The following ABI3BP variants were observed in gnomAD, a reference collection of about 807,000 sequenced individuals.
ABI3BP encodes the protein target of Nesh-SH3.
Under a neutral mutation model 268.6 loss-of-function variants are expected in ABI3BP, and 216 were observed. The ratio of observed to expected loss-of-function variants is 0.80; its 90% confidence interval spans 0.72 to 0.90. The LOEUF is 0.90. Among genes scored for constraint, ABI3BP ranks in the 40% least tolerant of loss-of-function variants. The probability of loss-of-function intolerance (pLI) is 0.00; values close to 1 mark genes in which losing one functional copy is unlikely to be tolerated. For synonymous variants in ABI3BP, 730 were observed against 730.0 expected, an observed-to-expected ratio of 1.00 and a Z score of 0.00; for missense variants, 2,090 against 2,182.4, an observed-to-expected ratio of 0.96 and a Z score of 0.84.
At chr3:100,945,270 G>A (rs559637346) in intron 1 of ABI3BP, among the ~76,000 whole-genome samples, 20 of 152,040 alleles carry the variant, frequency 1.3e-4, no homozygotes, top group Non-Finnish European at 2.2e-4. Flanking sequence ...ATATTTTCAC[G>A]AGCATATGGA....
intron 31 of ABI3BP, 45 bp from the exon 32 acceptor site, chr3:100,830,679 A>G: frequency 2.0e-6 from 3 of 1,463,768 alleles, no homozygotes; most frequent in East Asian, 2.5e-5. Context: ...TTGTGAATGC[A>G]TGAAATGTTG....
chr3:100,753,877 C>T (rs1056675506), intron 64 of ABI3BP, 29 bp from the exon 65 acceptor site: 47 of 1,598,470 alleles, frequency 2.9e-5, no homozygotes, highest in Middle Eastern at 1.6e-4. Flanking sequence ...AAAAGTCAGA[C>T]CTTACTAGGT....
At chr3:100,957,494 C>G (rs1480678564) in intron 1 of ABI3BP, among the ~76,000 whole-genome samples, 1 of 152,004 alleles carries the variant, frequency 6.6e-6, no homozygotes, top group African/African-American at 2.4e-5. Flanking sequence ...GTGGTCAGGG[C>G]TAGAGATATA....
intron 36 of ABI3BP, 133 bp downstream of exon 36, chr3:100,824,725 G>A (rs2098334254): frequency 9.9e-6 from 6 of 605,178 alleles, no homozygotes; most frequent in Non-Finnish European, 2.7e-6. Context: ...CAGAGGAGAT[G>A]GTACTGATGA....
chr3:100,813,710 A>T lies in ABI3BP; in HGVS notation c.3315T>A (p.Ile1105=). Residue 1105 remains isoleucine, a synonymous_variant, in exon 45 of 68, where the codon ATT becomes ATA. Coordinates refer to ENST00000471714, the MANE Select transcript of ABI3BP (RefSeq NM_001375547.2). ...GGCTTGGTGATGTCACTGGTTTCAA[A>T]ATAAGAGTTTGCAGTTCAGTCAGAG... ...TFALTELQTL[I]LKPVTSPSLE... 1 of 1,535,456 alleles carries T rather than the reference A, an allele frequency of 6.5e-7. No homozygotes were observed. The highest frequency in any genetic ancestry group is 8.7e-7 in the Non-Finnish European group (1 of 1,146,446).
At chr3:100,911,339 A>G (rs539613779) in intron 2 of ABI3BP, 2 of 276,796 alleles carry the variant, frequency 7.2e-6, no homozygotes, top group South Asian at 5.9e-5. Context: ...TAAAAGGTCC[A>G]TAATGCTTGA....
At chr3:100,963,729 T>C (rs1240729927) in intron 1 of ABI3BP, among the ~76,000 whole-genome samples, 2 of 152,216 alleles carry the variant, frequency 1.3e-5, no homozygotes, top group Admixed American at 6.5e-5. Flanking sequence ...ACTGGCCAGC[T>C]GTTATTTCCA....
intron 32 of ABI3BP, among the ~76,000 whole-genome samples, chr3:100,830,098 CATACATACATACATATATATATAT>C (rs1172447545): frequency 1.3e-4 from 7 of 55,900 alleles, no homozygotes; most frequent in African/African-American, 6.3e-4. Flanking sequence ...CATATACATA[CATACATACATACATATATATATAT>C]ATATATATAT....
At chr3:100,912,846 TG>T (rs1211472195) in intron 2 of ABI3BP, among the ~76,000 whole-genome samples, 2 of 152,120 alleles carry the variant, frequency 1.3e-5, no homozygotes, top group Admixed American at 6.6e-5. Flanking sequence ...ACCTCCTAAG[TG>T]TGGCCATGGA....
chr3:100,973,971 CT>C (rs1382432626), intron 1 of ABI3BP, among the ~76,000 whole-genome samples: 2 of 152,066 alleles, frequency 1.3e-5, no homozygotes, highest in East Asian at 3.9e-4. Flanking sequence ...GATGCGGTTT[CT>C]AAGAAAATGG....
chr3:100,816,650 G>T (rs1465506680), intron 43 of ABI3BP, 38 bp downstream of exon 43: 5 of 1,488,348 alleles, frequency 3.4e-6, no homozygotes, highest in Admixed American at 2.0e-5. Context: ...CAGGGTTCAG[G>T]TTCCTTGGCT....
intron 37 of ABI3BP, among the ~76,000 whole-genome samples, chr3:100,822,926 A>C (rs2098271454): frequency 6.6e-6 from 1 of 152,184 alleles, no homozygotes; most frequent in African/African-American, 2.4e-5. Flanking sequence ...TGGGTACCAA[A>C]AAGGTTAAGT....
chr3:100,960,868 C>T (rs2078852709), intron 1 of ABI3BP, among the ~76,000 whole-genome samples: 1 of 152,134 alleles, frequency 6.6e-6, no homozygotes, highest in South Asian at 2.1e-4. Flanking sequence ...GGATTCTCAC[C>T]CTCTGGCCCT....
At chr3:100,908,600 T>C (rs1251372144) in intron 2 of ABI3BP, among the ~76,000 whole-genome samples, 12 of 148,472 alleles carry the variant, frequency 8.1e-5, no homozygotes, top group African/African-American at 2.8e-4. Flanking sequence ...ACAAGCGTTC[T>C]TATACACCAA....
At chr3:100,850,013 G>A in intron 17 of ABI3BP, 32 bp downstream of exon 17, 2 of 1,572,100 alleles carry the variant, frequency 1.3e-6, no homozygotes, top group Non-Finnish European at 1.7e-6. Context: ...TTTCGTCAAT[G>A]CATACATAAC....
At chr3:100,760,540 T>C (rs7642041) in intron 63 of ABI3BP, among the ~76,000 whole-genome samples, 62,273 of 152,028 alleles carry the variant, frequency 0.41, 13,084 homozygotes, top group South Asian at 0.48. Flanking sequence ...CTGCTTGTTA[T>C]GGGATTGAGC....
chr3:100,966,704 T>A (rs754339031), intron 1 of ABI3BP, among the ~76,000 whole-genome samples: 1 of 152,174 alleles, frequency 6.6e-6, no homozygotes, highest in Non-Finnish European at 1.5e-5. Flanking sequence ...TCAAAATACC[T>A]CCCCTGATCC....
chr3:100,960,232 T>C (rs1305828146), intron 1 of ABI3BP, among the ~76,000 whole-genome samples: 6 of 152,086 alleles, frequency 3.9e-5, no homozygotes, highest in Admixed American at 3.9e-4. Context: ...GAACAAAGAA[T>C]GAAGACTTTT....
intron 20 of ABI3BP, among the ~76,000 whole-genome samples, chr3:100,842,518 G>A (rs1406955157): frequency 7.9e-5 from 12 of 152,130 alleles, no homozygotes; most frequent in South Asian, 2.1e-4. Context: ...GTTCAAAAGC[G>A]ACCACAACTG....
Sources: gnomAD v4.1 joint callset for allele counts (sites outside exome capture counted in the v4.1 genomes callset) on GRCh38, gnomAD v4.1.1 for gene constraint, MANE v1.5 for transcripts, NCBI Gene and HGNC (gene_info 2026-07-23, HGNC 2026-07-21) for gene names.